The following ZNF385D variants were observed in gnomAD, a reference collection of about 807,000 sequenced individuals.
ZNF385D encodes zinc finger protein 385D.
In ZNF385D, 15 loss-of-function variants were observed where a neutral mutation model predicts 35.8. That is an observed-to-expected ratio of 0.42 (90% confidence interval 0.28 to 0.64). The LOEUF (loss-of-function observed/expected upper bound fraction) is 0.64, where lower values mean the gene tolerates loss of function less well. Among genes scored for constraint, ZNF385D ranks in the 30% least tolerant of loss-of-function variants. The probability of loss-of-function intolerance (pLI) is 0.23; values close to 1 mark genes in which losing one functional copy is unlikely to be tolerated. For missense variants in ZNF385D, 474 were observed against 494.6 expected, an observed-to-expected ratio of 0.96 and a Z score of 0.39; for synonymous variants, 212 against 186.8, an observed-to-expected ratio of 1.13 and a Z score of -1.10.
chr3:22,002,199 C>G (rs1377213912), intron 3 of ZNF385D, among the ~76,000 whole-genome samples: 1 of 151,276 alleles, frequency 6.6e-6, no homozygotes, highest in African/African-American at 2.4e-5. Flanking sequence ...GCACTATTAG[C>G]TCAACTAACC....
chr3:22,026,633 G>A (rs568382048), intron 3 of ZNF385D, among the ~76,000 whole-genome samples: 2 of 152,226 alleles, frequency 1.3e-5, no homozygotes, highest in South Asian at 2.1e-4. Context: ...AATTGGCATA[G>A]ACATATTTAG....
chr3:22,061,016 A>G (rs929235435), intron 3 of ZNF385D, among the ~76,000 whole-genome samples: 1 of 152,132 alleles, frequency 6.6e-6, no homozygotes, highest in African/African-American at 2.4e-5. Flanking sequence ...CTTGATAATC[A>G]TGGATATTTA....
At chr3:21,785,871 C>T (rs1265701084) in intron 3 of ZNF385D, among the ~76,000 whole-genome samples, 2 of 152,156 alleles carry the variant, frequency 1.3e-5, no homozygotes, top group African/African-American at 4.8e-5. Flanking sequence ...AATTGCTTTT[C>T]CCCACTGATT....
intron 2 of ZNF385D, among the ~76,000 whole-genome samples, chr3:21,630,837 A>G (rs1477013606): frequency 1.3e-5 from 2 of 152,130 alleles, no homozygotes; most frequent in East Asian, 3.9e-4. Flanking sequence ...TTATGTCTCT[A>G]ACATACCCAG....
chr3:22,280,633 A>G (rs1312865196), intron 2 of ZNF385D, among the ~76,000 whole-genome samples: 1 of 151,862 alleles, frequency 6.6e-6, no homozygotes, highest in East Asian at 1.9e-4. Context: ...CTATGTGCCT[A>G]TTTTTATACC....
At chr3:21,753,759 C>A (rs939677004), upstream of ZNF385D, among the ~76,000 whole-genome samples, 3 of 93,380 alleles carry the variant, frequency 3.2e-5, no homozygotes, top group Non-Finnish European at 6.3e-5. Flanking sequence ...AAAAATGCAA[C>A]TTTGGTGGTT....
At chr3:21,812,506 G>A (rs899518931) in intron 3 of ZNF385D, among the ~76,000 whole-genome samples, 13 of 152,342 alleles carry the variant, frequency 8.5e-5, no homozygotes, top group East Asian at 3.9e-4. Flanking sequence ...CTAGTACTGC[G>A]CTTTTCCAAC....
chr3:21,805,947 G>A (rs1405233100), intron 3 of ZNF385D, among the ~76,000 whole-genome samples: 4 of 152,172 alleles, frequency 2.6e-5, no homozygotes, highest in South Asian at 2.1e-4. Flanking sequence ...ATGGCAATCT[G>A]GGAGAGGTCA....
chr3:21,974,915 T>C (rs1050915497), intron 3 of ZNF385D, among the ~76,000 whole-genome samples: 4 of 152,006 alleles, frequency 2.6e-5, no homozygotes, highest in African/African-American at 7.2e-5. Flanking sequence ...AGACAGACAA[T>C]AGCAAATGCT....
intron 1 of ZNF385D, among the ~76,000 whole-genome samples, chr3:21,665,620 A>G (rs1479057233): frequency 6.6e-6 from 1 of 152,166 alleles, no homozygotes; most frequent in African/African-American, 2.4e-5. Flanking sequence ...GCACCCCTAC[A>G]GCTCTGAGTA....
chr3:22,047,162 C>G (rs1401412253), intron 3 of ZNF385D, among the ~76,000 whole-genome samples: 2 of 152,074 alleles, frequency 1.3e-5, no homozygotes, highest in Non-Finnish European at 2.9e-5. Context: ...ACATGATGTT[C>G]TGAAATGTAT....
At chr3:21,859,209 C>G (rs1195638002) in intron 3 of ZNF385D, among the ~76,000 whole-genome samples, 2 of 151,954 alleles carry the variant, frequency 1.3e-5, no homozygotes, top group African/African-American at 2.4e-5. Flanking sequence ...CCTTTCTGCT[C>G]CAGGGGATGG....
At chr3:21,768,076 T>A (rs1002544665) in intron 3 of ZNF385D, among the ~76,000 whole-genome samples, 2 of 152,160 alleles carry the variant, frequency 1.3e-5, no homozygotes, top group Middle Eastern at 3.4e-3. Flanking sequence ...TTGTATGTAA[T>A]AACAGATATT....
At chr3:22,284,107 G>T (rs944930633) in intron 2 of ZNF385D, among the ~76,000 whole-genome samples, 1 of 152,084 alleles carries the variant, frequency 6.6e-6, no homozygotes, top group Non-Finnish European at 1.5e-5. Flanking sequence ...TAGTACAACT[G>T]CCATTCTATA....
intron 3 of ZNF385D, among the ~76,000 whole-genome samples, chr3:22,093,860 C>T (rs1701461360): frequency 6.6e-6 from 1 of 152,118 alleles, no homozygotes; most frequent in African/African-American, 2.4e-5. Flanking sequence ...GAAAAGTACA[C>T]ATACAGTAAA....
At chr3:22,153,233 C>T (rs935674351) in intron 3 of ZNF385D, among the ~76,000 whole-genome samples, 1 of 152,074 alleles carries the variant, frequency 6.6e-6, no homozygotes, top group East Asian at 1.9e-4. Flanking sequence ...TGATGGTGCC[C>T]CACTTCTGCC....
At chr3:22,235,290 G>A (rs1436846282) in intron 2 of ZNF385D, among the ~76,000 whole-genome samples, 1 of 152,012 alleles carries the variant, frequency 6.6e-6, no homozygotes, top group Non-Finnish European at 1.5e-5. Context: ...ATTTAAAACA[G>A]TAATGAATAT....
At chr3:21,461,518 A>G (rs534518966) in intron 4 of ZNF385D, among the ~76,000 whole-genome samples, 2 of 152,332 alleles carry the variant, frequency 1.3e-5, no homozygotes, top group African/African-American at 4.8e-5. Context: ...ACTGCACTCC[A>G]GCCTGGGCAA....
At chr3:22,368,667 T>C (rs1696766027) in intron 2 of ZNF385D, among the ~76,000 whole-genome samples, 1 of 151,964 alleles carries the variant, frequency 6.6e-6, no homozygotes, top group African/African-American at 2.4e-5. Flanking sequence ...AAAGAAAGGG[T>C]CCTCATCTCT....
Sources: allele counts gnomAD v4.1 joint callset (sites outside exome capture counted in the v4.1 genomes callset), GRCh38; gene constraint gnomAD v4.1.1; transcripts MANE v1.5; gene names NCBI Gene and HGNC (gene_info 2026-07-23, HGNC 2026-07-21).